The following PBX1 variants were observed in gnomAD, a reference collection of about 807,000 sequenced individuals.
The protein encoded by PBX1 is PBX homeobox 1, also known as pre-B-cell leukemia transcription factor 1.
In PBX1, 6 loss-of-function variants were observed where a neutral mutation model predicts 53.4. The ratio of observed to expected loss-of-function variants is 0.11; its 90% CI spans 0.06 to 0.22. The LOEUF is 0.22. PBX1 is among the 10% of genes least tolerant of loss of function. PBX1 has a pLI of 1.00. For synonymous variants in PBX1, 204 were observed against 212.3 expected (o/e 0.96, Z 0.34); for missense variants, 251 against 551.4 (o/e 0.46, Z 5.46).
intron 2 of PBX1, chr1:164,769,144 C>G (rs552010559): frequency 6.6e-6 from 1 of 152,086 alleles, no homozygotes; most frequent in East Asian, 1.9e-4. Flanking sequence ...TTTGAACTTG[C>G]ACATGTGATG....
intron 2 of PBX1, among the ~76,000 whole-genome samples, chr1:164,587,457 G>T (rs1028748835): frequency 2.6e-5 from 4 of 151,974 alleles, no homozygotes; most frequent in African/African-American, 9.7e-5. Context: ...CCTTTTGTCG[G>T]GTGAGGAGCC....
Position 164,867,400 on chromosome 1 carries a change from A to C in PBX1, n.258-31788A>C, listed in dbSNP as rs371968211. ...TTGGGCTACGCAGACTACAGCTCAG[A>C]GACCATGCAGAAAAAAGAAAGCCCT... On this transcript the variant is annotated intron_variant and non_coding_transcript_variant, in intron 2 of 2. Coordinates refer to the PBX1 transcript ENST00000558796. Among the ~76,000 whole-genome samples the C allele has an allele frequency of 1.3e-4, 20 of 152,354 alleles. No homozygotes were observed. In the South Asian group the frequency reaches 4.1e-3, roughly 32 times the overall value.
chr1:164,642,977 C>T (rs773325415), intron 2 of PBX1: 1 of 152,064 alleles, frequency 6.6e-6, no homozygotes, highest in Non-Finnish European at 1.5e-5. Context: ...CTGGGAGGTC[C>T]AGGATAAAGC....
chr1:164,570,495 G>C (rs1248152185), intron 2 of PBX1, among the ~76,000 whole-genome samples: 1 of 152,146 alleles, frequency 6.6e-6, no homozygotes, highest in Non-Finnish European at 1.5e-5. Context: ...TGCCGAGAGT[G>C]ATGGTTTCCA....
At chr1:164,858,528 A>T (rs2102439609) in intron 2 of PBX1, among the ~76,000 whole-genome samples, 1 of 152,128 alleles carries the variant, frequency 6.6e-6, no homozygotes, top group East Asian at 1.9e-4. Context: ...CTCTCATAAG[A>T]GCCATCTTGC....
intron 2 of PBX1, among the ~76,000 whole-genome samples, chr1:164,885,190 G>GTATC (rs1324426431): frequency 6.6e-6 from 1 of 152,124 alleles, no homozygotes; most frequent in Non-Finnish European, 1.5e-5. Context: ...AGGTTTAGAT[G>GTATC]TATCTAACTC....
intron 8 of PBX1, among the ~76,000 whole-genome samples, chr1:164,825,071 C>T (rs1226430281): frequency 5.9e-5 from 9 of 152,182 alleles, no homozygotes; most frequent in Non-Finnish European, 1.3e-4. Flanking sequence ...GTCCTTCTAC[C>T]TCATCCTCCT....
At chr1:164,853,782 C>T (rs1357884406), downstream of PBX1, among the ~76,000 whole-genome samples, 3 of 152,070 alleles carry the variant, frequency 2.0e-5, no homozygotes, top group Non-Finnish European at 4.4e-5. Context: ...AGCCAGCAGT[C>T]ATCTTAAAGA....
chr1:164,723,778 G>A (rs879249279), intron 2 of PBX1, among the ~76,000 whole-genome samples: 1 of 152,254 alleles, frequency 6.6e-6, no homozygotes, highest in Admixed American at 6.5e-5. Context: ...TAATGAAGCT[G>A]GAATTGTATA....
chr1:164,765,432 A>G (rs193229083), intron 2 of PBX1, among the ~76,000 whole-genome samples: 4 of 152,346 alleles, frequency 2.6e-5, no homozygotes, highest in East Asian at 1.9e-4. Context: ...GGCTTCATCA[A>G]TGAAGATGAT....
intron 8 of PBX1, chr1:164,829,261 A>G (rs911767712): frequency 6.6e-6 from 1 of 152,248 alleles, no homozygotes; most frequent in Admixed American, 6.5e-5. Context: ...AGGTGCATTT[A>G]CACACATATA....
intron 1 of PBX1, among the ~76,000 whole-genome samples, chr1:164,560,698 T>C (rs1652977523): frequency 6.6e-6 from 1 of 152,184 alleles, no homozygotes; most frequent in Non-Finnish European, 1.5e-5. Context: ...TAGGCATATT[T>C]GTTAGTTTTA....
chr1:164,859,269 G>T (rs10159300), intron 2 of PBX1, among the ~76,000 whole-genome samples: 66,112 of 152,006 alleles, frequency 0.43, 14,646 homozygotes, highest in Middle Eastern at 0.52. Context: ...CATTCTCCAG[G>T]TACATCTATG....
intron 2 of PBX1, among the ~76,000 whole-genome samples, chr1:164,587,497 C>G (rs114348816): frequency 4.3e-4 from 65 of 152,108 alleles, no homozygotes; most frequent in African/African-American, 1.5e-3. Flanking sequence ...TCACCCAGCA[C>G]TTTATCTGCC....
intron 2 of PBX1, among the ~76,000 whole-genome samples, chr1:164,875,542 C>G (rs1028900459): frequency 6.6e-6 from 1 of 152,114 alleles, no homozygotes; most frequent in East Asian, 1.9e-4. Context: ...CAAGTGATCC[C>G]TCTGCCTCGG....
intron 2 of PBX1, among the ~76,000 whole-genome samples, chr1:164,716,685 T>TACACACAC (rs375539653): frequency 0.029 from 3,301 of 115,794 alleles, 69 homozygotes; most frequent in Middle Eastern, 0.049. Flanking sequence ...ATGTCATCTC[T>TACACACAC]ACACACACAC....
chr1:164,671,188 T>C (rs1447120237), intron 2 of PBX1, among the ~76,000 whole-genome samples: 3 of 152,164 alleles, frequency 2.0e-5, no homozygotes, highest in Non-Finnish European at 4.4e-5. Flanking sequence ...TAGCCCTTTT[T>C]TTTTTTTTAA....
At chr1:164,633,003 C>G (rs1658505712) in intron 2 of PBX1, among the ~76,000 whole-genome samples, 2 of 152,236 alleles carry the variant, frequency 1.3e-5, no homozygotes, top group South Asian at 2.1e-4. Context: ...TATCAGTTTG[C>G]TTAAGGTCAT....
chr1:164,868,232 TAA>T (rs1672266277), intron 2 of PBX1, among the ~76,000 whole-genome samples: 1 of 152,156 alleles, frequency 6.6e-6, no homozygotes, highest in South Asian at 2.1e-4. Context: ...CCATTTTTTT[TAA>T]ACAGTGTCCG....
Sources: gnomAD v4.1 joint callset for allele counts (sites outside exome capture counted in the v4.1 genomes callset) on GRCh38, gnomAD v4.1.1 for gene constraint, MANE v1.5 for transcripts, NCBI Gene and HGNC (gene_info 2026-07-23, HGNC 2026-07-21) for gene names.